The following MED13L variants were observed in gnomAD, a reference collection of about 807,000 sequenced individuals.
MED13L encodes the protein mediator complex subunit 13L, also known as mediator of RNA polymerase II transcription subunit 13-like.
A neutral mutation model predicts 220.9 loss-of-function variants in MED13L; 7 were observed. The observed-to-expected ratio is 0.03, with a 90% CI of 0.02 to 0.06. The LOEUF (loss-of-function observed/expected upper bound fraction) is 0.06. Among genes scored for constraint, MED13L ranks in the 10% least tolerant of loss-of-function variants. The probability of loss-of-function intolerance (pLI) is 1.00; values close to 1 mark genes in which losing one functional copy is unlikely to be tolerated. For synonymous variants in MED13L, 1,011 were observed against 1,015.2 expected (o/e 1.00, Z 0.08); for missense variants, 1,965 against 2,760.5 (o/e 0.71, Z 6.46).
At chr12:116,092,895 A>G (rs1872353325) in intron 4 of MED13L, among the ~76,000 whole-genome samples, 1 of 152,208 alleles carries the variant, frequency 6.6e-6, no homozygotes. Flanking sequence ...AGTCAGTGAC[A>G]GCAAATTAAC....
chr12:116,239,043 C>T (rs1321359712), intron 1 of MED13L, among the ~76,000 whole-genome samples: 2 of 152,036 alleles, frequency 1.3e-5, no homozygotes, highest in Admixed American at 6.6e-5. Context: ...TGCAGTGAGC[C>T]GAGATCGTGC....
chr12:116,094,211 T>C (rs1026856119), intron 4 of MED13L, among the ~76,000 whole-genome samples: 23 of 152,366 alleles, frequency 1.5e-4, no homozygotes, highest in Middle Eastern at 3.4e-3. Context: ...TCATCATACC[T>C]AATAAAGTTT....
At chr12:116,149,888 A>G (rs1877899462) in intron 2 of MED13L, among the ~76,000 whole-genome samples, 1 of 152,234 alleles carries the variant, frequency 6.6e-6, no homozygotes, top group Non-Finnish European at 1.5e-5. Flanking sequence ...ATAAAATAAC[A>G]TATTTTTAAA....
chr12:116,245,985 C>A (rs892317383), intron 1 of MED13L, among the ~76,000 whole-genome samples: 2 of 152,128 alleles, frequency 1.3e-5, no homozygotes, highest in African/African-American at 2.4e-5. Context: ...TTTCAGCACA[C>A]TGCAGACTAA....
rs1213325477 is a variant in MED13L at position 116,007,537 on chromosome 12, T to C, written c.2112A>G (p.Gln704=). 6 of 1,613,688 alleles carry C rather than the reference T, an allele frequency of 3.7e-6. No individual in the cohort carries two copies. Among genetic ancestry groups the C allele is most frequent in the Non-Finnish European group, 1.7e-6 (2 of 1,179,904 alleles). Residue 704 remains glutamine (Q), a synonymous_variant, in exon 11 of 31, where the codon CAA becomes CAG. Coordinates refer to ENST00000281928, the MANE Select transcript of MED13L (RefSeq NM_015335.5). ...TCACTTCTCCCAAACTGTCTCCAGG[T>C]TGTTGTGATAGAGGCAATGGGTCAA... ...HFLDPLPLSQ[Q]PGDSLGEVND...
At chr12:116,215,123 T>C (rs1161217135) in intron 2 of MED13L, among the ~76,000 whole-genome samples, 1 of 152,224 alleles carries the variant, frequency 6.6e-6, no homozygotes, top group Non-Finnish European at 1.5e-5. Context: ...GAAGTGGCAG[T>C]GTAAAATATC....
At chr12:116,101,578 C>T (rs1047418206) in intron 3 of MED13L, among the ~76,000 whole-genome samples, 5 of 152,096 alleles carry the variant, frequency 3.3e-5, no homozygotes, top group African/African-American at 1.2e-4. Context: ...TATAGCCCAT[C>T]GTATCCCACT....
intron 9 of MED13L, 112 bp from the exon 10 acceptor site, chr12:116,009,244 C>G (rs764122074): frequency 2.2e-5 from 23 of 1,035,838 alleles, no homozygotes; most frequent in Non-Finnish European, 2.8e-5. Flanking sequence ...TAAAAGGGCT[C>G]TAAGTTTTTA....
chr12:116,022,428 G>C, intron 5 of MED13L, 28 bp downstream of exon 5: 1 of 1,612,924 alleles, frequency 6.2e-7, no homozygotes, highest in Non-Finnish European at 8.5e-7. Context: ...GGCGGATAGG[G>C]GTGGAGAGCA....
intron 4 of MED13L, among the ~76,000 whole-genome samples, chr12:116,060,082 G>A (rs985133264): frequency 1.3e-5 from 2 of 152,088 alleles, no homozygotes; most frequent in Non-Finnish European, 2.9e-5. Flanking sequence ...GCTGGACTGT[G>A]TACACTGTGA....
chr12:116,116,281 T>C (rs1874508895), intron 2 of MED13L, among the ~76,000 whole-genome samples: 1 of 151,708 alleles, frequency 6.6e-6, no homozygotes, highest in African/African-American at 2.4e-5. Flanking sequence ...GAAAGTTGAG[T>C]TGATCACTAA....
intron 4 of MED13L, among the ~76,000 whole-genome samples, chr12:116,027,373 G>C (rs1880461066): frequency 6.6e-6 from 1 of 152,172 alleles, no homozygotes; most frequent in Non-Finnish European, 1.5e-5. Context: ...AGACAGCCCA[G>C]ATCATGCCAC....
chr12:116,256,935 A>C (rs999166434), intron 1 of MED13L, among the ~76,000 whole-genome samples: 1 of 152,178 alleles, frequency 6.6e-6, no homozygotes, highest in Non-Finnish European at 1.5e-5. Context: ...TCGGCCTCCC[A>C]AAGTGCTGGG....
intron 4 of MED13L, among the ~76,000 whole-genome samples, chr12:116,043,865 T>A (rs1017445804): frequency 1.3e-5 from 2 of 152,330 alleles, no homozygotes; most frequent in African/African-American, 4.8e-5. Flanking sequence ...TGGCATATGT[T>A]TGGCACTTTG....
At chr12:116,029,685 TAATC>T (rs2137482044) in intron 4 of MED13L, among the ~76,000 whole-genome samples, 1 of 152,172 alleles carries the variant, frequency 6.6e-6, no homozygotes, top group South Asian at 2.1e-4. Context: ...AGAAGAAAAG[TAATC>T]AATCATGAAC....
intron 7 of MED13L, among the ~76,000 whole-genome samples, chr12:116,018,262 C>G (rs1401808876): frequency 6.6e-6 from 1 of 152,120 alleles, no homozygotes; most frequent in East Asian, 1.9e-4. Context: ...CAACGAGGTG[C>G]GCTCAATCAC....
chr12:116,046,822 A>T (rs1881864512), intron 4 of MED13L, among the ~76,000 whole-genome samples: 1 of 152,068 alleles, frequency 6.6e-6, no homozygotes. Context: ...AAATACAAAA[A>T]ATTAGTCGGG....
At chr12:116,009,448 C>T (rs1280066886) in intron 9 of MED13L, among the ~76,000 whole-genome samples, 1 of 152,110 alleles carries the variant, frequency 6.6e-6, no homozygotes, top group Non-Finnish European at 1.5e-5. Context: ...ATTCATACTG[C>T]ATCTTAAAAC....
At chr12:116,265,714 T>C (rs1285547617) in intron 1 of MED13L, among the ~76,000 whole-genome samples, 1 of 152,252 alleles carries the variant, frequency 6.6e-6, no homozygotes, top group African/African-American at 2.4e-5. Flanking sequence ...ATTTTCCACC[T>C]AATAAAAATT....
Sources: gnomAD v4.1 joint callset for allele counts (sites outside exome capture counted in the v4.1 genomes callset) on GRCh38, gnomAD v4.1.1 for gene constraint, MANE v1.5 for transcripts, NCBI Gene and HGNC (gene_info 2026-07-23, HGNC 2026-07-21) for gene names.